MYH9: variants seen among roughly 807,000 people sequenced by gnomAD.
MYH9 encodes the protein myosin-9.
In MYH9, 29 loss-of-function variants were observed where a neutral mutation model predicts 241.9. That is an observed-to-expected ratio of 0.12 (90% CI 0.09 to 0.16). The LOEUF (loss-of-function observed/expected upper bound fraction) is 0.16, where lower values mean the gene tolerates loss of function less well. Ranked by LOEUF, MYH9 falls within the 10% of genes least tolerant of loss-of-function variation. MYH9 has a pLI of 1.00. For missense variants in MYH9, 1,803 were observed against 2,595.5 expected (o/e 0.69, Z 6.63); for synonymous variants, 1,047 against 1,062.6 (o/e 0.99, Z 0.29).
chr22:36,311,045 T>G (rs1357622336), intron 14 of MYH9, among the ~76,000 whole-genome samples: 1 of 152,200 alleles, frequency 6.6e-6, no homozygotes, highest in African/African-American at 2.4e-5. Flanking sequence ...CCTTGTGGCT[T>G]GGGAACAGAC....
intron 9 of MYH9, 63 bp from the exon 10 acceptor site, chr22:36,319,698 G>A (rs573291653): frequency 3.9e-5 from 59 of 1,508,352 alleles, no homozygotes; most frequent in Non-Finnish European, 4.7e-5. Context: ...CCGGGGGTGG[G>A]GGCCACTCAT....
intron 1 of MYH9, among the ~76,000 whole-genome samples, chr22:36,356,583 A>T (rs2017860781): frequency 7.0e-6 from 1 of 142,998 alleles, no homozygotes. Flanking sequence ...TCCATCTCAA[A>T]AAAAAAAAAA....
rs141262692 is a variant in MYH9, at chr22:36,351,367, G to A, written c.-19-2112C>T. 3.2e-3 allele frequency among the ~76,000 whole-genome samples: 480 copies of A among 152,268 alleles called. 3 individuals are homozygous for A. Among genetic ancestry groups the A allele is most frequent in the African/African-American group, 0.011 (450 of 41,554 alleles). On this transcript the variant is annotated intron_variant, in intron 1 of 40. Coordinates refer to ENST00000216181, the MANE Select transcript of MYH9 (RefSeq NM_002473.6). ...GCAAGGACCACCCTGAGAGCAGGCC[G>A]GGCTCAGAATGAGTCAGAGCAAACA...
In MYH9 at chr22:36,281,464, T is replaced by A. The variant is rs56360445; in HGVS notation, c.*1204A>T. ...CTGAATTCAGAGCTTTGTAGGCATA[T>A]GCAGCTTTTATATCACTTCATGATT... On this transcript the variant is annotated 3_prime_UTR_variant, in exon 41 of 41. Transcript: ENST00000216181. 326 of 228,604 alleles carry A rather than the reference T, an allele frequency of 1.4e-3. No homozygotes were observed. Among genetic ancestry groups the A allele is most frequent in the Admixed American group, 2.3e-3 (41 of 17,580 alleles). The allele number at this position is 228,604 out of a possible 1,614,324, so 14.2% of individuals were successfully genotyped here.
chr22:36,309,589 G>A (rs546248574), intron 14 of MYH9, among the ~76,000 whole-genome samples, 193 bp from the exon 15 acceptor site: 3 of 152,340 alleles, frequency 2.0e-5, no homozygotes, highest in South Asian at 2.1e-4. Context: ...TCTCTGCGGC[G>A]TCTCGTGCAG....
At position 36,300,407 on chromosome 22, in the gene MYH9, C is replaced by G. The variant is rs555806953; in HGVS notation, c.2839-143G>C. 1.6e-6 allele frequency: 2 copies of G among 1,216,764 alleles called. No individual in the cohort carries two copies. The highest frequency in any genetic ancestry group is 1.9e-5 in the Admixed American group (1 of 51,656). The allele number at this position is 1,216,764 out of a possible 1,614,324, so 75.4% of individuals were successfully genotyped here. ...CCCAGGGCCATGGCTGAGGTGGGGA[C>G]GGCAAGGTCCGCCAGCCCAGGGCCA... On this transcript the variant is annotated intron_variant, in intron 22 of 40. Coordinates refer to ENST00000216181, the MANE Select transcript of MYH9 (RefSeq NM_002473.6). The surrounding 1 kb of genome is among the most constrained non-coding windows in gnomAD (Gnocchi z 5.0).
intron 1 of MYH9, among the ~76,000 whole-genome samples, chr22:36,387,553 C>T (rs2146435752): frequency 6.6e-6 from 1 of 151,932 alleles, no homozygotes; most frequent in East Asian, 1.9e-4. Flanking sequence ...CGGGGAGCGC[C>T]GGGTCCCGAG....
chr22:36,332,097 C>G (rs1159339711), intron 3 of MYH9, among the ~76,000 whole-genome samples: 1 of 152,164 alleles, frequency 6.6e-6, no homozygotes, highest in African/African-American at 2.4e-5. Context: ...TCTCTGGAAA[C>G]CTCACGCACC....
rs896056405 is a variant in MYH9, at chr22:36,298,996, A to C, written c.3023T>G (p.Leu1008Arg). 3 of 1,613,862 alleles carry C rather than the reference A, an allele frequency of 1.9e-6. No homozygotes were observed. Among genetic ancestry groups the C allele is most frequent in the Non-Finnish European group, 2.5e-6 (3 of 1,179,954 alleles). Residue 1008 changes from leucine to arginine, a missense_variant, in exon 24 of 41, where the codon CTC becomes CGC. This residue lies in a region of MYH9 where 290 missense variants were observed against 360.5 expected (regional missense o/e 0.80). Transcript: ENST00000216181. ...EDRIAEFTTNLTEEEEKSKSL... is the reference protein window; with the variant it reads ...EDRIAEFTTNRTEEEEKSKSL... Reference sequence around the variant, plus strand: ...CTTAGATTTCTCCTCCTCTTCTGTGAGGTTGGTGGTGAACTCAGCTATTCT... The same window carrying C: ...CTTAGATTTCTCCTCCTCTTCTGTGCGGTTGGTGGTGAACTCAGCTATTCT...
In MYH9 at chr22:36,349,029, C is replaced by T. The variant is rs929085586; in HGVS notation, c.208G>A (p.Asp70Asn). 2.5e-6 allele frequency: 4 copies of T among 1,614,126 alleles called. No homozygotes were observed. In the African/African-American group the frequency reaches 5.3e-5, roughly 22 times the overall value. The change falls in exon 2 of 41, where the codon GAT becomes AAT. Residue 70 changes from aspartate to asparagine, a missense_variant. Physicochemically the swap from Asp to Asn is conservative, Grantham distance 23. Around this residue, in one of 11 missense-constraint regions of MYH9, gnomAD observed 72 missense variants for 134.3 expected, o/e 0.54. Transcript: ENST00000216181. The stretch of plus-strand genomic sequence containing the variant: ...GGCGGGTTCATCTTCTGGATGTCAT[C>T]CTTGTTCACCTTCACCTTCTTCCCA... ...ENGKKVKVNKDDIQKMNPPKF... is the reference protein window; with the variant it reads ...ENGKKVKVNKNDIQKMNPPKF...
intron 1 of MYH9, among the ~76,000 whole-genome samples, chr22:36,362,552 A>G (rs136212): frequency 0.81 from 122,509 of 152,138 alleles, 50,819 homozygotes; most frequent in African/African-American, 0.95. Context: ...GCAGTGGCAC[A>G]ATCTTGGCTC....
chr22:36,300,793 C>T lies in MYH9; in HGVS notation c.2838+58G>A, dbSNP rs2146343468. 1 of 1,587,158 alleles carries T rather than the reference C, an allele frequency of 6.3e-7. No homozygotes were observed. The highest frequency in any genetic ancestry group is 8.5e-7 in the Non-Finnish European group (1 of 1,170,726). On this transcript the variant is annotated intron_variant, in intron 22 of 40. Coordinates refer to ENST00000216181, the MANE Select transcript of MYH9 (RefSeq NM_002473.6). This position sits in a 1 kb window ranked among gnomAD's most constrained non-coding sequence, Gnocchi z 5.0. ...GTTCTCCCAGCTCCTGGTTCCTGCT[C>T]CTCCGCCCCGCCCTGCCCCTCCGGC...
chr22:36,324,296 GAA>G (rs1158675640), intron 5 of MYH9, among the ~76,000 whole-genome samples: 1 of 152,272 alleles, frequency 6.6e-6, no homozygotes, highest in Non-Finnish European at 1.5e-5. Flanking sequence ...ATTGGGCACA[GAA>G]GAGATTTTAA....
chr22:36,333,932 T>A (rs2017460013), intron 3 of MYH9, among the ~76,000 whole-genome samples: 1 of 152,120 alleles, frequency 6.6e-6, no homozygotes, highest in Non-Finnish European at 1.5e-5. Flanking sequence ...TTTTTGTTGT[T>A]GGTTTATTTC....
Position 36,288,145 on chromosome 22 carries a change from G to A in MYH9, c.4932+107C>T. 1 of 1,392,176 alleles carries A rather than the reference G, an allele frequency of 7.2e-7. No homozygotes were observed. The highest frequency in any genetic ancestry group is 1.2e-5 in the South Asian group (1 of 84,456). The allele number at this position is 1,392,176 out of a possible 1,614,324, so 86.2% of individuals were successfully genotyped here. On this transcript the variant is annotated intron_variant, in intron 34 of 40. Transcript: ENST00000216181. The surrounding 1 kb of genome is among the most constrained non-coding windows in gnomAD (Gnocchi z 4.8). ...GGAAGCACCCAGGACCTTCCCAGGA[G>A]GTGCCACCCTGCCAGGTTCCCGCCC...
Position 36,285,072 on chromosome 22 carries a change from A to C in MYH9, c.5483+49T>G. ...ATTTGGGCAGGACTGCAGGGGGGCC[A>C]GAGTTTTTTCCAGGACAGCTGGGGT... is the stretch of plus-strand genomic sequence containing the variant. On this transcript the variant is annotated intron_variant, in intron 38 of 40. Transcript: ENST00000216181. This position sits in a 1 kb window ranked among gnomAD's most constrained non-coding sequence, Gnocchi z 7.0. 1 of 1,582,498 alleles carries C rather than the reference A, an allele frequency of 6.3e-7. No individual in the cohort carries two copies. Among genetic ancestry groups the C allele is most frequent in the Non-Finnish European group, 8.7e-7 (1 of 1,156,018 alleles).
chr22:36,308,407 G>A (rs964530877), intron 15 of MYH9, among the ~76,000 whole-genome samples: 5 of 151,674 alleles, frequency 3.3e-5, no homozygotes, highest in African/African-American at 1.2e-4. Flanking sequence ...TGGGACTACA[G>A]GCATGCACCA....
intron 3 of MYH9, among the ~76,000 whole-genome samples, chr22:36,340,952 C>T (rs2146384122): frequency 6.6e-6 from 1 of 152,188 alleles, no homozygotes; most frequent in East Asian, 1.9e-4. Flanking sequence ...CCACCCGAGG[C>T]TCTGCATCTG....
chr22:36,324,936 T>C (rs1603483534), intron 5 of MYH9: 2 of 643,320 alleles, frequency 3.1e-6, no homozygotes, highest in East Asian at 2.7e-5. Flanking sequence ...ATATGATCTA[T>C]TTCACTGCTC....
Sources: gnomAD v4.1 joint callset for allele counts (sites outside exome capture counted in the v4.1 genomes callset) on GRCh38, gnomAD v4.1.1 for gene constraint, gnomAD v4.1.1 regional missense constraint, Gnocchi (gnomAD v3.1) non-coding constraint, MANE v1.5 for transcripts, NCBI Gene and HGNC (gene_info 2026-07-23, HGNC 2026-07-21) for gene names.